The following WDR7 variants were observed in gnomAD, a reference collection of about 807,000 sequenced individuals.
WDR7 encodes WD repeat-containing protein 7.
In WDR7, 46 loss-of-function variants were observed where a neutral mutation model predicts 169.4. The observed-to-expected ratio is 0.27, with a 90% CI of 0.21 to 0.35. WDR7 has a LOEUF of 0.35. Among genes scored for constraint, WDR7 ranks in the 10% least tolerant of loss-of-function variants. The pLI, the probability that WDR7 is intolerant of heterozygous loss-of-function variation, is 1.00. For missense variants in WDR7, 1,534 were observed against 1,859.3 expected (o/e 0.83, Z 3.22); for synonymous variants, 612 against 666.8 (o/e 0.92, Z 1.27).
intron 16 of WDR7, among the ~76,000 whole-genome samples, chr18:56,769,721 G>A (rs1436464224): frequency 1.3e-5 from 2 of 152,260 alleles, no homozygotes; most frequent in East Asian, 3.9e-4. Flanking sequence ...TTCAATTTAG[G>A]TTGTCTAAAC....
chr18:56,824,577 T>C (rs991316876), intron 20 of WDR7, among the ~76,000 whole-genome samples: 3 of 152,242 alleles, frequency 2.0e-5, no homozygotes, highest in Non-Finnish European at 4.4e-5. Context: ...CTTCCTATAC[T>C]TACATAGTTT....
chr18:57,000,933 T>A (rs1005898180), intron 26 of WDR7, among the ~76,000 whole-genome samples: 3 of 152,072 alleles, frequency 2.0e-5, no homozygotes, highest in Admixed American at 2.0e-4. Flanking sequence ...TGTAGGGCCA[T>A]GTATAGTGAA....
At chr18:56,802,911 GT>G (rs144799605) in intron 19 of WDR7, among the ~76,000 whole-genome samples, 9 of 144,730 alleles carry the variant, frequency 6.2e-5, no homozygotes, top group South Asian at 2.2e-4. Context: ...TTTCTCCTGT[GT>G]TTTTTTTTTC....
intron 12 of WDR7, among the ~76,000 whole-genome samples, chr18:56,706,729 C>T (rs138399712): frequency 1.3e-5 from 2 of 151,666 alleles, no homozygotes; most frequent in Admixed American, 1.3e-4. Context: ...GCTCTGTCAC[C>T]CAGGCTGGAG....
intron 1 of WDR7, among the ~76,000 whole-genome samples, chr18:56,652,430 T>C (rs1221237420): frequency 1.3e-5 from 2 of 152,234 alleles, no homozygotes; most frequent in East Asian, 3.8e-4. Context: ...AGGAATTGCC[T>C]GTTGTATGAA....
intron 2 of WDR7, among the ~76,000 whole-genome samples, chr18:56,675,104 G>A (rs563920403): frequency 6.6e-6 from 1 of 152,240 alleles, no homozygotes; most frequent in African/African-American, 2.4e-5. Flanking sequence ...TATACTCACT[G>A]TCTTAATTAC....
intron 19 of WDR7, chr18:56,782,267 T>C (rs1192614586): frequency 6.6e-6 from 1 of 152,206 alleles, no homozygotes; most frequent in East Asian, 1.9e-4. Flanking sequence ...AGTTGTATTT[T>C]GCTATCATAA....
At chr18:56,925,422 C>A (rs2046792065) in intron 22 of WDR7, among the ~76,000 whole-genome samples, 1 of 152,082 alleles carries the variant, frequency 6.6e-6, no homozygotes, top group Non-Finnish European at 1.5e-5. Context: ...TTCTTTCTTT[C>A]TCTCTTTTTT....
intron 14 of WDR7, among the ~76,000 whole-genome samples, chr18:56,754,763 A>G (rs1416867540): frequency 6.6e-6 from 1 of 152,236 alleles, no homozygotes; most frequent in African/African-American, 2.4e-5. Context: ...TTCACTGAAC[A>G]TCTTTGAACA....
At chr18:56,919,288 A>T (rs2046675236) in intron 21 of WDR7, among the ~76,000 whole-genome samples, 1 of 152,180 alleles carries the variant, frequency 6.6e-6, no homozygotes, top group Non-Finnish European at 1.5e-5. Flanking sequence ...GCTGGACTTA[A>T]CTGACACATG....
intron 16 of WDR7, among the ~76,000 whole-genome samples, chr18:56,767,903 T>C (rs2044091903): frequency 6.6e-6 from 1 of 152,208 alleles, no homozygotes; most frequent in South Asian, 2.1e-4. Flanking sequence ...TCTGAATTCA[T>C]TGACAATATT....
In WDR7 at chr18:56,915,037, A is replaced by C. The variant is rs183340302; in HGVS notation, c.3527-8885A>C. 8.6e-4 allele frequency among the ~76,000 whole-genome samples: 131 copies of C among 152,340 alleles called. 1 individual carries two copies. The highest frequency in any genetic ancestry group is 2.8e-3 in the African/African-American group (118 of 41,582). ...TTAAACTGATGTTAATGAATTTTAA[A>C]ATATCTTTATTAAATTAATTTCTTA... On this transcript the variant is annotated intron_variant, in intron 21 of 27. Transcript: ENST00000254442.
In WDR7 at chr18:56,772,785, G is replaced by T. The variant is rs28398975; in HGVS notation, c.2849-3997G>T. Among the ~76,000 whole-genome samples the T allele has an allele frequency of 5.0e-3, 754 of 151,860 alleles. 4 individuals are homozygous for T. Among genetic ancestry groups the T allele is most frequent in the African/African-American group, 0.018 (727 of 41,476 alleles). On this transcript the variant is annotated intron_variant, in intron 16 of 27. Coordinates refer to ENST00000254442, the MANE Select transcript of WDR7 (RefSeq NM_015285.3). ...GAGTAAAGGAAAGGAGATTGGTTAG[G>T]AGATGTGGTTTGGCAAAGTTAAATC...
At chr18:56,990,665 T>C (rs1407063872) in intron 26 of WDR7, among the ~76,000 whole-genome samples, 1 of 152,190 alleles carries the variant, frequency 6.6e-6, no homozygotes. Context: ...GCAAATATTA[T>C]AAAGGCTGAG....
At chr18:56,811,975 A>G (rs2044876413) in intron 19 of WDR7, among the ~76,000 whole-genome samples, 1 of 152,190 alleles carries the variant, frequency 6.6e-6, no homozygotes, top group Non-Finnish European at 1.5e-5. Context: ...ATTTTAGAAT[A>G]CTTTTGTTGA....
At chr18:56,965,275 A>T (rs1434473416) in intron 26 of WDR7, among the ~76,000 whole-genome samples, 1 of 152,172 alleles carries the variant, frequency 6.6e-6, no homozygotes, top group African/African-American at 2.4e-5. Flanking sequence ...CTGAAACGCA[A>T]GAAAGGATCC....
chr18:56,965,110 G>T (rs922655650), intron 26 of WDR7, among the ~76,000 whole-genome samples: 25 of 152,166 alleles, frequency 1.6e-4, no homozygotes, highest in African/African-American at 6.0e-4. Flanking sequence ...GTTAACAGAG[G>T]GTGTGGGACA....
At chr18:56,971,053 C>T (rs2047477276) in intron 26 of WDR7, among the ~76,000 whole-genome samples, 1 of 152,118 alleles carries the variant, frequency 6.6e-6, no homozygotes, top group Admixed American at 6.5e-5. Flanking sequence ...AGGCGGATCA[C>T]CTGAGGTCAG....
At chr18:56,949,060 C>T (rs1246510442) in intron 25 of WDR7, among the ~76,000 whole-genome samples, 1 of 152,108 alleles carries the variant, frequency 6.6e-6, no homozygotes, top group Non-Finnish European at 1.5e-5. Context: ...ACACTTCATC[C>T]AGTTTGTCAC....
Sources: gnomAD v4.1 joint callset for allele counts (sites outside exome capture counted in the v4.1 genomes callset) on GRCh38, gnomAD v4.1.1 for gene constraint, MANE v1.5 for transcripts, NCBI Gene and HGNC (gene_info 2026-07-23, HGNC 2026-07-21) for gene names.